TRPC7: variants seen among roughly 807,000 people sequenced by gnomAD.
TRPC7 encodes the protein transient receptor potential cation channel subfamily C member 7.
In TRPC7, 42 loss-of-function variants were observed where a neutral mutation model predicts 90.1. The ratio of observed to expected loss-of-function variants is 0.47; its 90% confidence interval spans 0.36 to 0.60. The LOEUF (loss-of-function observed/expected upper bound fraction) is 0.60. Among genes scored for constraint, TRPC7 ranks in the 20% least tolerant of loss-of-function variants. TRPC7 has a pLI of 0.00. For missense variants in TRPC7, 955 were observed against 1,112.3 expected (o/e 0.86, Z 2.01); for synonymous variants, 451 against 436.3 (o/e 1.03, Z -0.42).
At chr5:136,276,190 C>T (rs1199562872) in intron 3 of TRPC7, among the ~76,000 whole-genome samples, 1 of 152,122 alleles carries the variant, frequency 6.6e-6, no homozygotes, top group Admixed American at 6.6e-5. Flanking sequence ...AAAATATACT[C>T]GTTAGCTTAT....
intron 3 of TRPC7, among the ~76,000 whole-genome samples, chr5:136,284,204 A>T (rs759499736): frequency 1.4e-4 from 21 of 152,342 alleles, no homozygotes; most frequent in Middle Eastern, 3.4e-3. Context: ...GAGGATATGA[A>T]TATTCAGCAT....
intron 9 of TRPC7, 30 bp downstream of exon 9, chr5:136,226,004 C>T (rs761268607): frequency 1.3e-6 from 2 of 1,551,464 alleles, no homozygotes; most frequent in South Asian, 1.2e-5. Flanking sequence ...CTGCTGCCTT[C>T]TCCAGCCTCA....
At chr5:136,311,161 T>C (rs1460884751) in intron 3 of TRPC7, among the ~76,000 whole-genome samples, 1 of 152,126 alleles carries the variant, frequency 6.6e-6, no homozygotes, top group East Asian at 1.9e-4. Flanking sequence ...AGGACTGATA[T>C]GCACAAAGTT....
chr5:136,269,234 T>C (rs1757126825), intron 4 of TRPC7, among the ~76,000 whole-genome samples: 1 of 152,166 alleles, frequency 6.6e-6, no homozygotes, highest in African/African-American at 2.4e-5. Context: ...ATCAGGAAAT[T>C]AAAGCTTGTA....
chr5:136,356,782 C>T lies in TRPC7; in HGVS notation c.606G>A (p.Glu202=). ...AGTCTTTCCGCTGTTTCTCGGTGCA[C>T]TCATTGCACTTGCAGAAGTAGTCGT... ...RPHDYFCKCN[E]CTEKQRKDSF... The change falls in exon 2 of 12, where the codon GAG becomes GAA. Residue 202 remains glutamate, a synonymous_variant. Transcript: ENST00000513104. 6.2e-7 allele frequency: 1 copy of T among 1,612,434 alleles called. No individual in the cohort carries two copies.
At chr5:136,279,446 C>T (rs1048636577) in intron 3 of TRPC7, among the ~76,000 whole-genome samples, 10 of 152,112 alleles carry the variant, frequency 6.6e-5, no homozygotes, top group East Asian at 1.9e-4. Flanking sequence ...GGAGCTGTGG[C>T]GGGGCTTTCT....
At chr5:136,230,857 T>C (rs909657837) in intron 8 of TRPC7, among the ~76,000 whole-genome samples, 8 of 152,186 alleles carry the variant, frequency 5.3e-5, no homozygotes, top group African/African-American at 1.7e-4. Flanking sequence ...CACAACCTGG[T>C]TGCACTGGCC....
intron 3 of TRPC7, among the ~76,000 whole-genome samples, chr5:136,306,872 G>A (rs183530224): frequency 4.6e-5 from 7 of 152,060 alleles, no homozygotes; most frequent in Admixed American, 1.3e-4. Flanking sequence ...TAACTTCACC[G>A]CCTATCCCAA....
intron 3 of TRPC7, among the ~76,000 whole-genome samples, chr5:136,279,639 G>A (rs1289263990): frequency 6.6e-6 from 1 of 152,086 alleles, no homozygotes; most frequent in African/African-American, 2.4e-5. Flanking sequence ...ATCACAAAGA[G>A]GCCACCCTCC....
At chr5:136,237,677 T>C (rs148536489) in intron 7 of TRPC7, among the ~76,000 whole-genome samples, 31 of 152,310 alleles carry the variant, frequency 2.0e-4, no homozygotes, top group Admixed American at 1.4e-3. Context: ...CTCCACTTCA[T>C]AGAATTGTTG....
Position 136,254,919 on chromosome 5 carries a change from C to T in TRPC7, c.1346-3037G>A, listed in dbSNP as rs79525241. Among the ~76,000 whole-genome samples, 192 of 152,166 alleles carry T rather than the reference C, an allele frequency of 1.3e-3. 1 individual carries two copies. Among genetic ancestry groups the T allele is most frequent in the Non-Finnish European group, 2.0e-3 (137 of 67,998 alleles). On this transcript the variant is annotated intron_variant, in intron 5 of 11. Transcript: ENST00000513104. ...TGGAAGAAGTTGATTCAAACCTTCACGGATAACTTTGAGGGGTTCAAGACT... is the reference window on the plus strand; with the variant it reads ...TGGAAGAAGTTGATTCAAACCTTCATGGATAACTTTGAGGGGTTCAAGACT...
In TRPC7 at chr5:136,213,706, T is replaced by C. The variant is rs921707148; in HGVS notation, c.2420-102A>G. The C allele has an allele frequency of 4.8e-5, 64 of 1,345,862 alleles. No homozygotes were observed. In the African/African-American group the frequency reaches 6.4e-4, roughly 13 times the overall value. The allele number at this position is 1,345,862 out of a possible 1,614,324, so 83.4% of individuals were successfully genotyped here. On this transcript the variant is annotated intron_variant, in intron 11 of 11. Coordinates refer to ENST00000513104, the MANE Select transcript of TRPC7 (RefSeq NM_020389.3). ...TGCATCCTTCCAGTGGAATGTCGGG[T>C]CCTGGGCCAGCCCACCAGGGTTGAA...
Position 136,228,436 on chromosome 5 carries a change from C to CTT in TRPC7, c.2041-2183_2041-2182dup, listed in dbSNP as rs55851435. ...CTAGAGGGAGGATTTTTTATAGTTC[C>CTT]TTTTTTTTTTTTTTTAAGATCAAGT... On this transcript the variant is annotated intron_variant, in intron 8 of 11. Coordinates refer to ENST00000513104, the MANE Select transcript of TRPC7 (RefSeq NM_020389.3). 7.2e-3 allele frequency among the ~76,000 whole-genome samples: 1,015 copies of CTT among 140,552 alleles called. 12 individuals are homozygous for CTT. The highest frequency in any genetic ancestry group is 0.016 in the South Asian group (69 of 4,338). 92.2% of individuals were successfully genotyped at this position (140,552 alleles called of 152,430 possible). A position where few individuals can be genotyped will look rare whatever the true frequency, so the allele number is the denominator to read the frequency against.
chr5:136,354,258 A>G (rs1760290664), intron 2 of TRPC7, among the ~76,000 whole-genome samples: 1 of 152,170 alleles, frequency 6.6e-6, no homozygotes, highest in Non-Finnish European at 1.5e-5. Flanking sequence ...TTTACTGTAC[A>G]GAAAAAAACA....
chr5:136,251,789 G>C lies in TRPC7; in HGVS notation c.1439C>G (p.Ser480Cys), dbSNP rs1756528148. 6.2e-7 allele frequency: 1 copy of C among 1,614,008 alleles called. No homozygotes were observed. Among genetic ancestry groups the C allele is most frequent in the Non-Finnish European group, 8.5e-7 (1 of 1,179,884 alleles). ...TGCTGTGAAGGAGGCCACGAAGATG[G>C]ACAGCATCCCGAAATCTAGCAGGTT... ...LWNLLDFGMLSIFVASFTARF... is the reference protein window; with the variant it reads ...LWNLLDFGMLCIFVASFTARF... The change falls in exon 6 of 12, where the codon TCC (serine) becomes TGC (cysteine). Residue 480 changes from serine to cysteine, a missense_variant. Transcript: ENST00000513104.
At chr5:136,327,351 AGG>A (rs1759374515) in intron 2 of TRPC7, among the ~76,000 whole-genome samples, 2 of 152,340 alleles carry the variant, frequency 1.3e-5, no homozygotes, top group African/African-American at 4.8e-5. Flanking sequence ...AGAAACAGCA[AGG>A]GGGATGCCCA....
intron 11 of TRPC7, 69 bp from the exon 12 acceptor site, chr5:136,213,673 T>A: frequency 6.6e-7 from 1 of 1,508,192 alleles, no homozygotes; most frequent in East Asian, 2.3e-5. Flanking sequence ...CATGCACATG[T>A]GGGCATGTGC....
At chr5:136,354,770 T>G (rs1760309112) in intron 2 of TRPC7, among the ~76,000 whole-genome samples, 1 of 152,238 alleles carries the variant, frequency 6.6e-6, no homozygotes, top group African/African-American at 2.4e-5. Flanking sequence ...CTCTTCAGCT[T>G]TCCTCCTGAA....
chr5:136,348,027 C>G (rs1413506740), intron 2 of TRPC7, among the ~76,000 whole-genome samples: 1 of 152,174 alleles, frequency 6.6e-6, no homozygotes, highest in Non-Finnish European at 1.5e-5. Context: ...ATGTCACTCA[C>G]CCCTTCCTGG....
Sources: allele counts gnomAD v4.1 joint callset (sites outside exome capture counted in the v4.1 genomes callset), GRCh38; gene constraint gnomAD v4.1.1; transcripts MANE v1.5; gene names NCBI Gene and HGNC (gene_info 2026-07-23, HGNC 2026-07-21).